Variants in NRG2 observed in about 807,000 individuals in gnomAD.
NRG2 encodes the protein pro-neuregulin-2, membrane-bound isoform.
A neutral mutation model predicts 73.9 loss-of-function variants in NRG2; 27 were observed. The observed-to-expected ratio is 0.37, with a 90% CI of 0.27 to 0.50. The LOEUF is 0.50. Ranked by LOEUF, NRG2 falls within the 20% of genes least tolerant of loss-of-function variation. The pLI, the probability that NRG2 is intolerant of heterozygous loss-of-function variation, is 0.96. For missense variants in NRG2, 1,126 were observed against 1,210.1 expected (o/e 0.93, Z 1.03); for synonymous variants, 532 against 541.0 (o/e 0.98, Z 0.23).
intron 1 of NRG2, among the ~76,000 whole-genome samples, chr5:139,914,522 G>A (rs1486000285): frequency 1.3e-5 from 2 of 152,250 alleles, no homozygotes; most frequent in South Asian, 2.1e-4. Context: ...CCACCTCCAA[G>A]CAACAGCTTC....
chr5:140,042,000 G>A (rs959206445), intron 1 of NRG2, among the ~76,000 whole-genome samples: 6 of 152,168 alleles, frequency 3.9e-5, no homozygotes, highest in South Asian at 2.1e-4. Context: ...CAAGGCCTCC[G>A]AGGGTCACTC....
intron 1 of NRG2, among the ~76,000 whole-genome samples, chr5:140,005,657 G>A (rs1183156496): frequency 1.3e-5 from 2 of 152,210 alleles, no homozygotes; most frequent in Non-Finnish European, 2.9e-5. Context: ...GTCCAGAACT[G>A]CATGGAGCCA....
intron 1 of NRG2, among the ~76,000 whole-genome samples, chr5:139,927,822 A>G (rs1752179586): frequency 2.0e-5 from 3 of 150,726 alleles, no homozygotes; most frequent in African/African-American, 7.3e-5. Context: ...AGTTTTGAGC[A>G]CTCTCTGGTC....
chr5:139,974,584 T>A (rs1428430834), intron 1 of NRG2, among the ~76,000 whole-genome samples: 2 of 152,086 alleles, frequency 1.3e-5, no homozygotes, highest in African/African-American at 2.4e-5. Context: ...CATAATTTTT[T>A]AAAAAATATA....
rs34122778 is a variant in NRG2, at chr5:140,029,687, C to CAA, written c.700+12681_700+12682dup. 6.3e-3 allele frequency among the ~76,000 whole-genome samples: 384 copies of CAA among 61,278 alleles called. 26 individuals are homozygous for CAA. Among genetic ancestry groups the CAA allele is most frequent in the African/African-American group, 9.4e-3 (174 of 18,466 alleles). 40.2% of individuals were successfully genotyped at this position (61,278 alleles called of 152,430 possible). ...TGGGTGACAGAGCAAGACTCTGTCT[C>CAA]AAAAAAAAAAAAAAAAGCTCCAGCG... On this transcript the variant is annotated intron_variant, in intron 1 of 9. Transcript: ENST00000361474.
intron 1 of NRG2, among the ~76,000 whole-genome samples, chr5:139,961,866 T>G (rs1405515555): frequency 1.3e-5 from 2 of 152,220 alleles, no homozygotes; most frequent in African/African-American, 4.8e-5. Flanking sequence ...CTGTCCTGAC[T>G]TGGCATTAGC....
chr5:139,951,728 C>T (rs1432604666), intron 1 of NRG2, among the ~76,000 whole-genome samples: 1 of 152,242 alleles, frequency 6.6e-6, no homozygotes, highest in East Asian at 1.9e-4. Flanking sequence ...AGTCCCCAGG[C>T]TCTTGACCAA....
At position 139,853,901 on chromosome 5, in the gene NRG2, T is replaced by TA. The variant is rs1025017484; in HGVS notation, c.1293-875dup. On this transcript the variant is annotated intron_variant, in intron 6 of 9. Transcript: ENST00000361474. The surrounding 1 kb of genome is among the most constrained non-coding windows in gnomAD (Gnocchi z 4.1). The stretch of plus-strand genomic sequence containing the variant: ...GTCAATAATAATTTAATTATACATT[T>TA]AAAAGAGTATAACTGGATTGCTTGT... Among the ~76,000 whole-genome samples, 2 of 152,128 alleles carry TA rather than the reference T, an allele frequency of 1.3e-5. No homozygotes were observed. The highest frequency in any genetic ancestry group is 1.3e-4 in the Admixed American group (2 of 15,288).
intron 1 of NRG2, among the ~76,000 whole-genome samples, chr5:139,931,918 C>G (rs529487319): frequency 1.3e-5 from 2 of 152,216 alleles, no homozygotes; most frequent in East Asian, 3.9e-4. Context: ...CAGCTATTAT[C>G]AAAAAGACAA....
At chr5:140,038,175 C>T (rs1761650002) in intron 1 of NRG2, among the ~76,000 whole-genome samples, 1 of 151,070 alleles carries the variant, frequency 6.6e-6, no homozygotes, top group Non-Finnish European at 1.5e-5. Context: ...ATTAAAATGC[C>T]CTAGATAAAA....
In NRG2 at chr5:140,042,509, C is replaced by G. The variant is rs778208008; in HGVS notation, c.561G>C (p.Pro187=). Residue 187 remains proline (P), a synonymous_variant, in exon 1 of 10, where the codon CCG becomes CCC. Coordinates refer to ENST00000361474, the MANE Select transcript of NRG2 (RefSeq NM_004883.3). ...EQVISVGSCV[P]LERNQRYIFF... is the part of the protein sequence containing the mutation. ...AGATGTAGCGCTGGTTCCTTTCGAG[C>G]GGCACACAGGAGCCCACGCTGATCA... 6.2e-7 allele frequency: 1 copy of G among 1,613,558 alleles called. No individual in the cohort carries two copies. Among genetic ancestry groups the G allele is most frequent in the Admixed American group, 1.7e-5 (1 of 59,988 alleles).
intron 1 of NRG2, among the ~76,000 whole-genome samples, chr5:140,033,370 A>ATG (rs879753429): frequency 6.6e-6 from 1 of 152,256 alleles, no homozygotes; most frequent in Non-Finnish European, 1.5e-5. Context: ...AGGACTCCAG[A>ATG]ACTTGGTTCA....
At chr5:140,027,023 C>T (rs1334440193) in intron 1 of NRG2, among the ~76,000 whole-genome samples, 1 of 152,140 alleles carries the variant, frequency 6.6e-6, no homozygotes, top group Admixed American at 6.5e-5. Context: ...CTCTGTCCCC[C>T]AGGCTAGAGT....
intron 1 of NRG2, among the ~76,000 whole-genome samples, chr5:139,938,941 GAAAGAAAGAAAGAAAGAAAAAA>G (rs1753124459): frequency 2.7e-5 from 3 of 113,182 alleles, no homozygotes; most frequent in African/African-American, 1.1e-4. Context: ...AAGAAAGAAA[GAAAGAAAGAAAGAAAGAAAAAA>G]GAAGGAAGGA....
chr5:139,949,465 T>C (rs943581451), intron 1 of NRG2, among the ~76,000 whole-genome samples: 4 of 152,162 alleles, frequency 2.6e-5, no homozygotes, highest in South Asian at 2.1e-4. Flanking sequence ...TTTTTCTTAT[T>C]TCAAAAGTAA....
chr5:139,942,833 C>A (rs1465340784), intron 1 of NRG2, among the ~76,000 whole-genome samples: 1 of 152,136 alleles, frequency 6.6e-6, no homozygotes, highest in East Asian at 1.9e-4. Flanking sequence ...TTTGATGTAG[C>A]CTGATTTCCA....
chr5:139,912,247 T>C (rs1750882288), intron 1 of NRG2, among the ~76,000 whole-genome samples: 1 of 151,294 alleles, frequency 6.6e-6, no homozygotes, highest in African/African-American at 2.4e-5. Context: ...TTGGAGAGAC[T>C]CCTGGTCACC....
intron 1 of NRG2, among the ~76,000 whole-genome samples, chr5:139,995,184 A>G (rs1757932706): frequency 6.6e-6 from 1 of 152,232 alleles, no homozygotes; most frequent in Non-Finnish European, 1.5e-5. Flanking sequence ...TATTGCTGAG[A>G]CAGACAGAGT....
chr5:139,975,759 C>T lies in NRG2; in HGVS notation c.700+66611G>A, dbSNP rs71581522. Among the ~76,000 whole-genome samples, 16 of 152,316 alleles carry T rather than the reference C, an allele frequency of 1.1e-4. No individual in the cohort carries two copies. In the South Asian group the frequency reaches 2.7e-3, roughly 26 times the overall value. On this transcript the variant is annotated intron_variant, in intron 1 of 9. Transcript: ENST00000361474. ...GTTGGTGAAGCTCAATAGATCACCTCCCCTACCTCTGCCTCAGTCCACCAG... is the reference window on the plus strand; with the variant it reads ...GTTGGTGAAGCTCAATAGATCACCTTCCCTACCTCTGCCTCAGTCCACCAG...
Sources: gnomAD v4.1 joint callset for allele counts (sites outside exome capture counted in the v4.1 genomes callset) on GRCh38, gnomAD v4.1.1 for gene constraint, Gnocchi (gnomAD v3.1) non-coding constraint, MANE v1.5 for transcripts, NCBI Gene and HGNC (gene_info 2026-07-23, HGNC 2026-07-21) for gene names.